AQR: variants seen among roughly 807,000 people sequenced by gnomAD.
The protein encoded by AQR is aquarius intron-binding spliceosomal factor.
Under a neutral mutation model 180.5 loss-of-function variants are expected in AQR, and 61 were observed. The ratio of observed to expected loss-of-function variants is 0.34; its 90% CI spans 0.28 to 0.42. The LOEUF is 0.42. Among genes scored for constraint, AQR ranks in the 10% least tolerant of loss-of-function variants. The pLI, the probability that AQR is intolerant of heterozygous loss-of-function variation, is 1.00. For synonymous variants in AQR, 551 were observed against 588.8 expected, an observed-to-expected ratio of 0.94 and a Z score of 0.93; for missense variants, 1,281 against 1,798.3, an observed-to-expected ratio of 0.71 and a Z score of 5.20.
chr15:34,918,816 A>T (rs551980509), intron 14 of AQR, among the ~76,000 whole-genome samples: 1 of 152,356 alleles, frequency 6.6e-6, no homozygotes, highest in South Asian at 2.1e-4. Context: ...TATAGTTTTC[A>T]TTCTTATACT....
At chr15:34,913,492 T>G (rs1893530456) in intron 16 of AQR, among the ~76,000 whole-genome samples, 1 of 152,198 alleles carries the variant, frequency 6.6e-6, no homozygotes, top group African/African-American at 2.4e-5. Flanking sequence ...AATGTAAATT[T>G]AGAAAAATCT....
chr15:34,962,819 C>G (rs1015237218), intron 2 of AQR, among the ~76,000 whole-genome samples: 1 of 151,598 alleles, frequency 6.6e-6, no homozygotes, highest in African/African-American at 2.4e-5. Context: ...AATATATATT[C>G]GTAAGAATTT....
chr15:34,926,853 G>A (rs546570136), intron 13 of AQR, among the ~76,000 whole-genome samples, 182 bp downstream of exon 13: 2 of 152,290 alleles, frequency 1.3e-5, no homozygotes, highest in African/African-American at 4.8e-5. Flanking sequence ...TTTACCAAAC[G>A]TGGGTAAGTG....
At chr15:34,890,421 TTA>T in intron 23 of AQR, 97 bp from the exon 24 acceptor site, 1 of 937,716 alleles carries the variant, frequency 1.1e-6, no homozygotes, top group East Asian at 2.5e-5. Flanking sequence ...GAAATCAGCC[TTA>T]TATTAGGCCA....
chr15:34,915,191 A>G lies in AQR; in HGVS notation c.1343-12T>C, dbSNP rs767505326. On this transcript the variant is annotated splice_polypyrimidine_tract_variant and intron_variant, in intron 15 of 34. Coordinates refer to ENST00000156471, the MANE Select transcript of AQR (RefSeq NM_014691.3). The stretch of plus-strand genomic sequence containing the variant: ...AAGAGCAAGACAACCTGAAAAGGAA[A>G]AAAACATCCATATTTCAATTTTTTT... The G allele has an allele frequency of 3.8e-6, 6 of 1,574,442 alleles. No individual in the cohort carries two copies. The African/African-American group carries it at 6.9e-5, about 18-fold the overall frequency.
intron 9 of AQR, among the ~76,000 whole-genome samples, chr15:34,935,063 A>ATACG (rs1893926050): frequency 1.3e-5 from 2 of 152,184 alleles, no homozygotes; most frequent in South Asian, 4.1e-4. Flanking sequence ...AAACACACAC[A>ATACG]TACGTATATG....
At chr15:34,954,195 G>A (rs949817586) in intron 3 of AQR, among the ~76,000 whole-genome samples, 6 of 151,330 alleles carry the variant, frequency 4.0e-5, no homozygotes, top group South Asian at 4.1e-4. Context: ...AGGATTACAG[G>A]CGTGAGCTAC....
intron 27 of AQR, among the ~76,000 whole-genome samples, chr15:34,880,172 A>G (rs760399471): frequency 3.3e-4 from 50 of 152,358 alleles, no homozygotes; most frequent in Non-Finnish European, 6.5e-4. Context: ...ATTATTTCCA[A>G]TCTAGAAATC....
At chr15:34,942,763 G>T (rs1894045389) in intron 6 of AQR, among the ~76,000 whole-genome samples, 1 of 152,138 alleles carries the variant, frequency 6.6e-6, no homozygotes, top group Admixed American at 6.5e-5. Flanking sequence ...CATGACCAAG[G>T]CTTGCAGGAA....
intron 18 of AQR, among the ~76,000 whole-genome samples, chr15:34,905,516 T>G (rs1230100837): frequency 1.3e-5 from 2 of 152,016 alleles, no homozygotes. Context: ...TTATTTCTGT[T>G]CAGATGTTTA....
At chr15:34,896,543 T>TTA (rs1555423960) in intron 22 of AQR, among the ~76,000 whole-genome samples, 2 of 135,536 alleles carry the variant, frequency 1.5e-5, no homozygotes, top group African/African-American at 5.4e-5. Flanking sequence ...TAATCTATGT[T>TTA]AAAAAAAAAA....
chr15:34,967,732 T>C (rs976010555), intron 1 of AQR, among the ~76,000 whole-genome samples: 10 of 152,160 alleles, frequency 6.6e-5, no homozygotes, highest in Admixed American at 3.9e-4. Flanking sequence ...ACTGAAGATA[T>C]AAGCACAGGT....
intron 4 of AQR, among the ~76,000 whole-genome samples, chr15:34,949,794 T>TAA (rs755539183): frequency 9.6e-5 from 11 of 114,148 alleles, no homozygotes; most frequent in Non-Finnish European, 1.5e-4. Context: ...TTATCTCTAT[T>TAA]AAAAAAAAAA....
intron 27 of AQR, 144 bp from the exon 28 acceptor site, chr15:34,876,150 C>T (rs1407722296): frequency 1.8e-5 from 11 of 604,322 alleles, no homozygotes; most frequent in Non-Finnish European, 3.2e-5. Flanking sequence ...ACAACATACA[C>T]ATTATTCAAA....
intron 13 of AQR, among the ~76,000 whole-genome samples, chr15:34,921,597 T>G (rs377258805): frequency 9.2e-5 from 14 of 152,234 alleles, no homozygotes; most frequent in African/African-American, 3.1e-4. Context: ...CATGTGAACG[T>G]GAAAAATTAG....
intron 5 of AQR, among the ~76,000 whole-genome samples, chr15:34,946,022 G>A (rs1183344650): frequency 2.0e-5 from 3 of 152,210 alleles, no homozygotes; most frequent in Admixed American, 2.0e-4. Context: ...TGTAATCCCA[G>A]CACTTTGGGA....
intron 23 of AQR, among the ~76,000 whole-genome samples, chr15:34,891,571 A>T (rs1893149631): frequency 6.6e-6 from 1 of 152,206 alleles, no homozygotes; most frequent in Non-Finnish European, 1.5e-5. Flanking sequence ...TTGCAAATTA[A>T]TCTTTTCAAT....
chr15:34,922,899 C>T (rs1406623810), intron 13 of AQR, among the ~76,000 whole-genome samples: 1 of 152,068 alleles, frequency 6.6e-6, no homozygotes, highest in East Asian at 1.9e-4. Context: ...ACATGTTAAG[C>T]ATCTTTCCAT....
chr15:34,904,469 C>A lies in AQR; in HGVS notation c.1868G>T (p.Arg623Met). The A allele has an allele frequency of 6.2e-7, 1 of 1,611,782 alleles. No homozygotes were observed. Among genetic ancestry groups the A allele is most frequent in the South Asian group, 1.1e-5 (1 of 90,472 alleles). The change falls in exon 19 of 35, where the codon AGG becomes ATG. Residue 623 changes from arginine (R) to methionine (M), a missense_variant. By Grantham distance (91) the Arg-to-Met change is moderately conservative. This residue lies in a region of AQR where 200 missense variants were observed against 293.4 expected (regional missense o/e 0.68). Transcript: ENST00000156471. The stretch of plus-strand genomic sequence containing the variant: ...TGGATCCAAAAACACTCTAAATGTC[C>A]TTGATTCTCCTCTAAGATTGGGTCT... ...EPRPNLRGESRTFRVFLDPNQ... is the reference protein window; with the variant it reads ...EPRPNLRGESMTFRVFLDPNQ...
Sources: allele counts gnomAD v4.1 joint callset (sites outside exome capture counted in the v4.1 genomes callset), GRCh38; gene constraint gnomAD v4.1.1; regional missense constraint gnomAD v4.1.1; transcripts MANE v1.5; gene names NCBI Gene and HGNC (gene_info 2026-07-23, HGNC 2026-07-21).